CES3: variants seen among roughly 807,000 people sequenced by gnomAD.
The protein encoded by CES3 is carboxylesterase 3 (brain).
Under a neutral mutation model 57.6 loss-of-function variants are expected in CES3, and 49 were observed. That is an observed-to-expected ratio of 0.85 (90% confidence interval 0.68 to 1.08). The LOEUF is 1.08. CES3 is among the 50% of genes least tolerant of loss of function. CES3 has a pLI of 0.00. For missense variants in CES3, 645 were observed against 742.0 expected (o/e 0.87, Z 1.52); for synonymous variants, 266 against 281.6 (o/e 0.94, Z 0.55).
Position 66,963,607 on chromosome 16 carries a change from TC to T in CES3, c.408del (p.Ala137GlnfsTer16). On this transcript the variant is annotated frameshift_variant, in exon 3 of 13. Transcript: ENST00000303334. LOFTEE classifies it high-confidence loss of function. This position sits in a 1 kb window ranked among gnomAD's most constrained non-coding sequence, Gnocchi z 4.9. ...CTCAACGTCTATAGCCCAGCTGAGGTCCCCGCAGGGTCCGGTAGGCCGGTAG... is the reference window on the plus strand; with the variant it reads ...CTCAACGTCTATAGCCCAGCTGAGGTCCCGCAGGGTCCGGTAGGCCGGTAG... The part of the protein sequence containing the change: ...LVLNVYSPAE[V>X]PAGSGRPVMV... The T allele has an allele frequency of 6.2e-7, 1 of 1,614,122 alleles. No individual in the cohort carries two copies. Among genetic ancestry groups the T allele is most frequent in the Admixed American group, 1.7e-5 (1 of 60,016 alleles).
At chr16:66,967,521 A>T in intron 8 of CES3, 1 of 985,496 alleles carries the variant, frequency 1.0e-6, no homozygotes, top group Non-Finnish European at 1.2e-6. Flanking sequence ...CAGGTTTTAG[A>T]TATCAAGCCA....
rs1196366494 is a variant in CES3 at position 66,972,871 on chromosome 16, C to T, written c.1538C>T (p.Ala513Val). 4 of 1,614,178 alleles carry T rather than the reference C, an allele frequency of 2.5e-6. No homozygotes were observed. Among genetic ancestry groups the T allele is most frequent in the Non-Finnish European group, 3.4e-6 (4 of 1,180,020 alleles). ...FARTGDPNSK[A>V]LPPWPQFNQA... is the part of the protein sequence containing the mutation. The stretch of plus-strand genomic sequence containing the variant: ...CCACCCAGGGACCCCAATAGCAAGG[C>T]TCTGCCTCCTTGGCCCCAATTCAAC... Residue 513 changes from alanine (A) to valine (V), a missense_variant, in exon 13 of 13, where the codon GCT (alanine) becomes GTT (valine). Physicochemically the swap from Ala to Val is moderately conservative, Grantham distance 64. Coordinates refer to ENST00000303334, the MANE Select transcript of CES3 (RefSeq NM_024922.6).
chr16:66,969,226 C>T (rs781544157), intron 8 of CES3, among the ~76,000 whole-genome samples: 4 of 152,122 alleles, frequency 2.6e-5, no homozygotes, highest in Non-Finnish European at 5.9e-5. Context: ...GCCAACATGG[C>T]ATAACCCCAC....
chr16:66,963,728 A>T lies in CES3; in HGVS notation c.427-74A>T. 1 of 1,610,526 alleles carries T rather than the reference A, an allele frequency of 6.2e-7. No homozygotes were observed. The highest frequency in any genetic ancestry group is 8.5e-7 in the Non-Finnish European group (1 of 1,177,318). ...TCCAAAGCACCCTAGCGGTCCTGAG[A>T]CTGCCTGGGCTGGCAGGTGGGCAGC... On this transcript the variant is annotated intron_variant, in intron 3 of 12. Coordinates refer to ENST00000303334, the MANE Select transcript of CES3 (RefSeq NM_024922.6). This position sits in a 1 kb window ranked among gnomAD's most constrained non-coding sequence, Gnocchi z 4.9.
At chr16:66,964,583 C>A (rs1555524978) in intron 5 of CES3, 40 bp from the exon 6 acceptor site, 1 of 1,612,030 alleles carries the variant, frequency 6.2e-7, no homozygotes, top group Non-Finnish European at 8.5e-7. Flanking sequence ...AGCTCCTCTG[C>A]CCTCCTCTGA....
intron 9 of CES3, among the ~76,000 whole-genome samples, chr16:66,970,404 C>T (rs1259936599): frequency 3.9e-5 from 6 of 152,254 alleles, no homozygotes; most frequent in South Asian, 2.1e-4. Context: ...CCACCGCGCC[C>T]GGCGCTGCAA....
In CES3 at chr16:66,972,711, C is replaced by T. The variant is rs781354595; in HGVS notation, c.1485C>T (p.Thr495=). ...ATEEEKQLSL[T]MMAQWTHFAR... is the part of the protein sequence containing the mutation. Reference sequence around the variant, plus strand: ...AGGAGGAGAAGCAGCTAAGCCTCACCATGATGGCCCAGTGGACCCACTTTG... The same window carrying T: ...AGGAGGAGAAGCAGCTAAGCCTCACTATGATGGCCCAGTGGACCCACTTTG... Residue 495 remains threonine (T), a synonymous_variant, in exon 12 of 13, where the codon ACC becomes ACT. Coordinates refer to ENST00000303334, the MANE Select transcript of CES3 (RefSeq NM_024922.6). 2.8e-5 allele frequency: 46 copies of T among 1,614,088 alleles called. No individual in the cohort carries two copies. The highest frequency in any genetic ancestry group is 3.8e-5 in the Non-Finnish European group (45 of 1,180,052).
intron 1 of CES3, among the ~76,000 whole-genome samples, chr16:66,962,326 A>G (rs765683405): frequency 6.6e-6 from 1 of 152,188 alleles, no homozygotes; most frequent in Non-Finnish European, 1.5e-5. Flanking sequence ...GCTGCCTCCT[A>G]TCTCTAGGAA....
chr16:66,967,144 G>A (rs569944055), intron 8 of CES3, among the ~76,000 whole-genome samples: 2 of 152,030 alleles, frequency 1.3e-5, no homozygotes, highest in African/African-American at 2.4e-5. Context: ...GTGCAGTGGT[G>A]CGATCTCAGC....
Position 66,972,886 on chromosome 16 carries a change from C to T in CES3, c.1553C>T (p.Pro518Leu), listed in dbSNP as rs943542707. 2 of 1,614,030 alleles carry T rather than the reference C, an allele frequency of 1.2e-6. No homozygotes were observed. The highest frequency in any genetic ancestry group is 2.7e-5 in the African/African-American group (2 of 74,922). The part of the protein sequence containing the change: ...DPNSKALPPW[P>L]QFNQAEQYLE... ...AATAGCAAGGCTCTGCCTCCTTGGCCCCAATTCAACCAGGCGGAACAATAT... is the reference window on the plus strand; with the variant it reads ...AATAGCAAGGCTCTGCCTCCTTGGCTCCAATTCAACCAGGCGGAACAATAT... The change falls in exon 13 of 13, where the codon CCC (proline) becomes CTC (leucine). Residue 518 changes from proline to leucine, a missense_variant. Physicochemically the swap from Pro to Leu is moderately conservative, Grantham distance 98 (BLOSUM62 -3). Coordinates refer to ENST00000303334, the MANE Select transcript of CES3 (RefSeq NM_024922.6).
chr16:66,970,095 CT>C (rs1229658314), intron 9 of CES3, among the ~76,000 whole-genome samples: 1 of 148,148 alleles, frequency 6.8e-6, no homozygotes, highest in Non-Finnish European at 1.5e-5. Context: ...GTTTTCTTTT[CT>C]TTTCTTTTCT....
intron 9 of CES3, among the ~76,000 whole-genome samples, chr16:66,970,244 G>C (rs1053263210): frequency 6.6e-6 from 1 of 151,948 alleles, no homozygotes; most frequent in Non-Finnish European, 1.5e-5. Context: ...GAGTAGCTGG[G>C]ATTACAGGCC....
At chr16:66,971,847 T>C (rs1963838830) in intron 10 of CES3, among the ~76,000 whole-genome samples, 3 of 152,180 alleles carry the variant, frequency 2.0e-5, no homozygotes. Flanking sequence ...CAATAAATGA[T>C]GACACTGGCC....
At chr16:66,968,900 T>A (rs1963783201) in intron 8 of CES3, among the ~76,000 whole-genome samples, 1 of 151,520 alleles carries the variant, frequency 6.6e-6, no homozygotes, top group African/African-American at 2.4e-5. Context: ...GGTGACAGAG[T>A]GAGACACTGT....
Position 66,973,233 on chromosome 16 carries a change from G to A in CES3, c.*184G>A. On this transcript the variant is annotated 3_prime_UTR_variant, in exon 13 of 13. Coordinates refer to ENST00000303334, the MANE Select transcript of CES3 (RefSeq NM_024922.6). ...CACAAGGCCGCCTCCCACCTCTGGG[G>A]CATTGTACAAGTTCTTCCCTCTCCC... 3.3e-6 allele frequency: 2 copies of A among 608,828 alleles called. No homozygotes were observed. Among genetic ancestry groups the A allele is most frequent in the Middle Eastern group, 4.5e-4 (1 of 2,246 alleles). 37.7% of individuals were successfully genotyped at this position (608,828 alleles called of 1,614,324 possible). A position where few individuals can be genotyped will look rare whatever the true frequency, so the allele number is the denominator to read the frequency against.
chr16:66,968,524 A>G (rs1303018169), intron 8 of CES3, among the ~76,000 whole-genome samples: 3 of 152,196 alleles, frequency 2.0e-5, no homozygotes, highest in Non-Finnish European at 2.9e-5. Flanking sequence ...CTTCATGTCC[A>G]TGGCTTTTGT....
chr16:66,963,818 A>C lies in CES3; in HGVS notation c.443A>C (p.His148Pro). 1 of 1,614,110 alleles carries C rather than the reference A, an allele frequency of 6.2e-7. No individual in the cohort carries two copies. The highest frequency in any genetic ancestry group is 8.5e-7 in the Non-Finnish European group (1 of 1,179,950). ...GSGRPVMVWV[H>P]GGALITGAAT... ...CCTCTGCAGGTCATGGTATGGGTCC[A>C]TGGAGGCGCTCTGATAACTGGCGCT... The change falls in exon 4 of 13, where the codon CAT becomes CCT. Residue 148 changes from histidine to proline, a missense_variant. By Grantham distance (77) the His-to-Pro change is moderately conservative. Coordinates refer to ENST00000303334, the MANE Select transcript of CES3 (RefSeq NM_024922.6). The surrounding 1 kb of genome is among the most constrained non-coding windows in gnomAD (Gnocchi z 4.9).
At chr16:66,969,576 T>G in intron 8 of CES3, 103 bp from the exon 9 acceptor site, 4 of 1,117,706 alleles carry the variant, frequency 3.6e-6, no homozygotes, top group Non-Finnish European at 3.9e-6. Flanking sequence ...TGCTCCATGA[T>G]GAGTTTCTGG....
At position 66,964,299 on chromosome 16, in the gene CES3, C is replaced by A; in HGVS notation, c.561-58C>A. ...TCCTGGTGGCTAATTCAAAGCAAACCTGCAGAGGCTGGCGAGGAGCCAGGC... is the reference window on the plus strand; with the variant it reads ...TCCTGGTGGCTAATTCAAAGCAAACATGCAGAGGCTGGCGAGGAGCCAGGC... On this transcript the variant is annotated intron_variant, in intron 4 of 12. Coordinates refer to ENST00000303334, the MANE Select transcript of CES3 (RefSeq NM_024922.6). 2.5e-6 allele frequency: 4 copies of A among 1,588,886 alleles called. No homozygotes were observed. The South Asian group carries it at 4.5e-5, about 18-fold the overall frequency.
Sources: gnomAD v4.1 joint callset for allele counts (sites outside exome capture counted in the v4.1 genomes callset) on GRCh38, gnomAD v4.1.1 for gene constraint, Gnocchi (gnomAD v3.1) non-coding constraint, MANE v1.5 for transcripts, NCBI Gene and HGNC (gene_info 2026-07-23, HGNC 2026-07-21) for gene names.